ZFYVE26: variants seen among roughly 807,000 people sequenced by gnomAD.
ZFYVE26 encodes zinc finger FYVE-type containing 26.
ZFYVE26 carries 181 observed loss-of-function variants against 276.5 expected under a neutral mutation model. The observed-to-expected ratio is 0.65, with a 90% CI of 0.58 to 0.74. The LOEUF (loss-of-function observed/expected upper bound fraction) is 0.74. Among genes scored for constraint, ZFYVE26 ranks in the 30% least tolerant of loss-of-function variants. The pLI, the probability that ZFYVE26 is intolerant of heterozygous loss-of-function variation, is 0.00. For synonymous variants in ZFYVE26, 1,129 were observed against 1,203.1 expected, an observed-to-expected ratio of 0.94 and a Z score of 1.27; for missense variants, 2,821 against 3,097.9, an observed-to-expected ratio of 0.91 and a Z score of 2.12.
downstream of ZFYVE26, among the ~76,000 whole-genome samples, chr14:67,745,929 C>CAAAAAAAAA (rs61448179): frequency 3.5e-5 from 2 of 57,524 alleles, no homozygotes; most frequent in African/African-American, 7.6e-5. Flanking sequence ...GACCCTGTCT[C>CAAAAAAAAA]AAAAAAAAAA....
At chr14:67,754,278 T>A (rs911803130) in intron 37 of ZFYVE26, 66 bp from the exon 38 acceptor site, 4 of 1,599,868 alleles carry the variant, frequency 2.5e-6, no homozygotes, top group Non-Finnish European at 3.4e-6. Context: ...GCCAGGAGAC[T>A]GAGAAGTCGA....
At chr14:67,742,838 C>CTTTTTTTTTTTT (rs71446342), downstream of ZFYVE26, among the ~76,000 whole-genome samples, 69 of 89,748 alleles carry the variant, frequency 7.7e-4, no homozygotes, top group African/African-American at 2.1e-3. Context: ...TCTTCTTCTT[C>CTTTTTTTTTTTT]TTTTTTTTTT....
At position 67,762,679 on chromosome 14, in the gene ZFYVE26, C is replaced by A; in HGVS notation, c.6152G>T (p.Gly2051Val). 6.2e-7 allele frequency: 1 copy of A among 1,613,724 alleles called. No homozygotes were observed. The highest frequency in any genetic ancestry group is 8.5e-7 in the Non-Finnish European group (1 of 1,180,028). ...QLLEAEYYQL[G>V]VEVSTKTGLD... ...TCTTTGTCTTTGTCTCACCTCAACG[C>A]CCAGTTGGTAGTACTCGGCTTCCAA... Residue 2051 changes from glycine (G) to valine (V), a missense_variant, in exon 33 of 42, where the codon GGC becomes GTC. Transcript: ENST00000347230.
rs35512910 is a variant in ZFYVE26 at position 67,805,304 on chromosome 14, C to A, written c.1184G>T (p.Gly395Val). 5,464 of 1,614,068 alleles carry A rather than the reference C, an allele frequency of 3.4e-3. 22 individuals are homozygous for A. Among genetic ancestry groups the A allele is most frequent in the Middle Eastern group, 0.016 (99 of 6,056 alleles). Residue 395 changes from glycine (G) to valine (V), a missense_variant and splice_region_variant, in exon 8 of 42, where the codon GGC (glycine) becomes GTC (valine). Transcript: ENST00000347230. Reference sequence around the variant, plus strand: ...CCTGAGGAGCTCATCACAGCCTGGGCCCTATGTTGATATGGGAGAAGAAAG... The same window carrying A: ...CCTGAGGAGCTCATCACAGCCTGGGACCTATGTTGATATGGGAGAAGAAAG... ...RLLQTLHRTQ[G>V]PGCDELLRDA...
intron 4 of ZFYVE26, 124 bp downstream of exon 4, chr14:67,809,076 G>A (rs1410843904): frequency 1.1e-5 from 9 of 854,262 alleles, no homozygotes; most frequent in African/African-American, 5.0e-5. Flanking sequence ...GAGCTTCTGT[G>A]TTGCCTTGCC....
In ZFYVE26 at chr14:67,807,708, T is replaced by G. The variant is rs890929048; in HGVS notation, c.576A>C (p.Ala192=). Residue 192 remains alanine, a synonymous_variant, in exon 5 of 42, where the codon GCA becomes GCC. Transcript: ENST00000347230. The part of the protein sequence containing the change: ...TGLCHWPLQN[A]LVDLIRKALR... ...ATGCCTTTCGAATGAGGTCCACCAG[T>G]GCATTCTGCAGAGGCCAGTGACAGA... The G allele has an allele frequency of 6.2e-7, 1 of 1,614,168 alleles. No individual in the cohort carries two copies. The highest frequency in any genetic ancestry group is 2.2e-5 in the East Asian group (1 of 44,868).
chr14:67,772,721 G>A (rs528710426), intron 27 of ZFYVE26, among the ~76,000 whole-genome samples: 15 of 152,290 alleles, frequency 9.8e-5, no homozygotes, highest in African/African-American at 2.4e-4. Context: ...AATCACTTGA[G>A]GCCAGGAGTT....
At chr14:67,791,837 ATCATTTGAGG>A (rs1281833953) in intron 14 of ZFYVE26, among the ~76,000 whole-genome samples, 1 of 150,830 alleles carries the variant, frequency 6.6e-6, no homozygotes, top group Non-Finnish European at 1.5e-5. Context: ...AGGAGGGTGG[ATCATTTGAGG>A]TCAGGAGTTC....
At chr14:67,750,411 C>G (rs1420906665) in intron 41 of ZFYVE26, 1 of 154,774 alleles carries the variant, frequency 6.5e-6, no homozygotes, top group Non-Finnish European at 1.4e-5. Flanking sequence ...TTCTCATGCC[C>G]CTCCTGGCCT....
At position 67,739,818 on chromosome 14, in the gene ZFYVE26, T is replaced by C. The variant is rs116956196; in HGVS notation, n.2680-9999A>G. ...TCTATTTTTTCTACATATGGATATATAATCTATATTAGCCAAAATGATCAG... is the reference window on the plus strand; with the variant it reads ...TCTATTTTTTCTACATATGGATATACAATCTATATTAGCCAAAATGATCAG... On this transcript the variant is annotated intron_variant and non_coding_transcript_variant, in intron 13 of 14. Transcript: ENST00000394455. Among the ~76,000 whole-genome samples the C allele has an allele frequency of 4.4e-3, 674 of 152,344 alleles. 35 individuals carry two copies. In the East Asian group the frequency reaches 0.1, roughly 23 times the overall value.
At chr14:67,785,375 C>A in intron 18 of ZFYVE26, 98 bp from the exon 19 acceptor site, 2 of 1,111,834 alleles carry the variant, frequency 1.8e-6, no homozygotes, top group Admixed American at 4.0e-5. Flanking sequence ...GCCCCCTATA[C>A]ACTGCCTGGG....
intron 13 of ZFYVE26, among the ~76,000 whole-genome samples, chr14:67,730,010 G>C (rs1365240969): frequency 6.6e-6 from 1 of 152,208 alleles, no homozygotes; most frequent in Admixed American, 6.5e-5. Context: ...ATTCCGTGAA[G>C]CACTGGAAAT....
intron 13 of ZFYVE26, among the ~76,000 whole-genome samples, chr14:67,741,069 T>C (rs879941361): frequency 2.6e-5 from 4 of 152,234 alleles, no homozygotes; most frequent in African/African-American, 4.8e-5. Context: ...ATTATACTCA[T>C]GCTGGGGAAG....
chr14:67,741,248 G>A (rs2038412912), intron 13 of ZFYVE26, among the ~76,000 whole-genome samples: 2 of 152,306 alleles, frequency 1.3e-5, no homozygotes, highest in African/African-American at 4.8e-5. Flanking sequence ...GAGAGTAAAT[G>A]TTTAGGGTAT....
chr14:67,798,765 C>A, intron 10 of ZFYVE26, 143 bp from the exon 11 acceptor site: 1 of 1,128,018 alleles, frequency 8.9e-7, no homozygotes, highest in Non-Finnish European at 1.3e-6. Context: ...ACTGAGGTTA[C>A]AGTGAGAAGA....
In ZFYVE26 at chr14:67,766,485, C is replaced by A. The variant is rs767093919; in HGVS notation, c.5791-38G>T. The A allele has an allele frequency of 5.6e-6, 9 of 1,594,048 alleles. No homozygotes were observed. In the African/African-American group the frequency reaches 1.1e-4, roughly 19 times the overall value. ...GAAGAAGGGAGAACACACGGTGAGT[C>A]CAGGGGCCAGAGCATTCTCCAAAGG... is the stretch of plus-strand genomic sequence containing the variant. On this transcript the variant is annotated intron_variant, in intron 31 of 41. Coordinates refer to ENST00000347230, the MANE Select transcript of ZFYVE26 (RefSeq NM_015346.4).
Position 67,762,920 on chromosome 14 carries a change from T to C in ZFYVE26, c.6012-101A>G, listed in dbSNP as rs1192876682. 8 of 1,504,024 alleles carry C rather than the reference T, an allele frequency of 5.3e-6. No individual in the cohort carries two copies. In the East Asian group the frequency reaches 1.2e-4, roughly 22 times the overall value. The allele number at this position is 1,504,024 out of a possible 1,614,324, so 93.2% of individuals were successfully genotyped here. ...TCCATTTTCTTTTTTCTGTTTGTTT[T>C]GAAACAGAGTCTCGTTCTGTCACCC... On this transcript the variant is annotated intron_variant, in intron 32 of 41. Transcript: ENST00000347230.
chr14:67,790,155 G>C (rs1182591946), intron 15 of ZFYVE26, among the ~76,000 whole-genome samples: 1 of 152,224 alleles, frequency 6.6e-6, no homozygotes, highest in South Asian at 2.1e-4. Flanking sequence ...GGGAAACTGA[G>C]ACCTGTGAAT....
Position 67,789,450 on chromosome 14 carries a change from A to C in ZFYVE26, c.2904T>G (p.Ser968Arg). The C allele has an allele frequency of 1.2e-6, 2 of 1,614,158 alleles. No individual in the cohort carries two copies. The highest frequency in any genetic ancestry group is 1.7e-6 in the Non-Finnish European group (2 of 1,180,034). Residue 968 changes from serine (S) to arginine (R), a missense_variant, in exon 16 of 42, where the codon AGT becomes AGG. Transcript: ENST00000347230. ...GGTCAAATGCAGCCATGGCAGGGGG[A>C]CTGAGGTCTTCCAGAACCTCTCTCA... Reference protein sequence around the residue: ...APLREVLEDLSPPAMAAFDLA... With the variant: ...APLREVLEDLRPPAMAAFDLA...
Sources: gnomAD v4.1 joint callset for allele counts (sites outside exome capture counted in the v4.1 genomes callset) on GRCh38, gnomAD v4.1.1 for gene constraint, MANE v1.5 for transcripts, NCBI Gene and HGNC (gene_info 2026-07-23, HGNC 2026-07-21) for gene names.